CDH10: variants seen among roughly 807,000 people sequenced by gnomAD.
CDH10 encodes the protein cadherin-10.
CDH10 carries 30 observed loss-of-function variants against 73.1 expected under a neutral mutation model. The observed-to-expected ratio is 0.41, with a 90% CI of 0.31 to 0.56. CDH10 has a LOEUF of 0.56. Among genes scored for constraint, CDH10 ranks in the 20% least tolerant of loss-of-function variants. The pLI, the probability that CDH10 is intolerant of heterozygous loss-of-function variation, is 0.27. For missense variants in CDH10, 815 were observed against 973.7 expected, an observed-to-expected ratio of 0.84 and a Z score of 2.17; for synonymous variants, 345 against 348.2, an observed-to-expected ratio of 0.99 and a Z score of 0.10.
chr5:24,514,437 A>G (rs1743032283), intron 5 of CDH10, among the ~76,000 whole-genome samples: 1 of 152,124 alleles, frequency 6.6e-6, no homozygotes, highest in African/African-American at 2.4e-5. Flanking sequence ...CTTATGAAAG[A>G]TTTTCGACAC....
At chr5:24,492,131 T>A (rs1049757737) in intron 10 of CDH10, among the ~76,000 whole-genome samples, 1 of 152,330 alleles carries the variant, frequency 6.6e-6, no homozygotes, top group East Asian at 1.9e-4. Context: ...CTGGCTTTTC[T>A]CTTTTCAAAA....
chr5:24,587,298 G>A (rs1285039078), intron 2 of CDH10, among the ~76,000 whole-genome samples: 7 of 152,152 alleles, frequency 4.6e-5, no homozygotes, highest in Non-Finnish European at 7.4e-5. Flanking sequence ...TGCCAATTAT[G>A]AGACATTGAT....
intron 1 of CDH10, among the ~76,000 whole-genome samples, chr5:24,598,802 G>C (rs912971021): frequency 3.3e-5 from 5 of 152,096 alleles, no homozygotes; most frequent in Non-Finnish European, 7.4e-5. Flanking sequence ...TTTGAAATTA[G>C]TTTTATTCTC....
chr5:24,595,706 A>G (rs1036406219), intron 1 of CDH10, among the ~76,000 whole-genome samples: 4 of 151,936 alleles, frequency 2.6e-5, no homozygotes, highest in Admixed American at 1.3e-4. Flanking sequence ...TTCTTCTACA[A>G]AAGCTTTAAA....
intron 2 of CDH10, among the ~76,000 whole-genome samples, chr5:24,549,208 C>T (rs533959371): frequency 2.0e-5 from 3 of 152,144 alleles, no homozygotes; most frequent in Admixed American, 6.5e-5. Context: ...ACTGAATGCT[C>T]GTGAAGCACA....
intron 1 of CDH10, among the ~76,000 whole-genome samples, chr5:24,607,715 T>C (rs955318212): frequency 1.3e-5 from 2 of 152,194 alleles, no homozygotes; most frequent in African/African-American, 4.8e-5. Flanking sequence ...AATTAAATTA[T>C]GTATTACTCA....
rs149376312 is a variant in CDH10 at position 24,511,631 on chromosome 5, G to A, written c.815-117C>T. The A allele has an allele frequency of 4.0e-3, 2,389 of 600,694 alleles. 11 individuals are homozygous for A. The highest frequency in any genetic ancestry group is 6.5e-3 in the Admixed American group (213 of 32,638). The allele number at this position is 600,694 out of a possible 1,614,324, so 37.2% of individuals were successfully genotyped here. On this transcript the variant is annotated intron_variant, in intron 5 of 11. Transcript: ENST00000264463. ...TAGCCAAAAGCAAAACATGTAAGAC[G>A]CAATATAATAGATCTTAAACTCTAA...
Position 24,496,882 on chromosome 5 carries a change from T to G in CDH10, c.1515+1516A>C, listed in dbSNP as rs73743604. Among the ~76,000 whole-genome samples the G allele has an allele frequency of 4.5e-3, 681 of 152,328 alleles. 10 individuals carry two copies. Among genetic ancestry groups the G allele is most frequent in the African/African-American group, 0.015 (632 of 41,588 alleles). On this transcript the variant is annotated intron_variant, in intron 9 of 11. Transcript: ENST00000264463. ...CAGTTTAGTTTAACCGAGGCATTTT[T>G]CAGCCTATGAGACCGAAGTGACATC...
chr5:24,492,045 G>A (rs1742072306), intron 10 of CDH10, among the ~76,000 whole-genome samples: 1 of 152,100 alleles, frequency 6.6e-6, no homozygotes, highest in Non-Finnish European at 1.5e-5. Context: ...AGGTTTTCAT[G>A]TAATTCCTCA....
At chr5:24,541,841 T>C (rs1260132870) in intron 2 of CDH10, among the ~76,000 whole-genome samples, 1 of 152,038 alleles carries the variant, frequency 6.6e-6, no homozygotes, top group African/African-American at 2.4e-5. Context: ...CACAACCAGA[T>C]AAAGGACATG....
chr5:24,587,124 G>A (rs1317979311), intron 2 of CDH10, among the ~76,000 whole-genome samples: 2 of 152,050 alleles, frequency 1.3e-5, no homozygotes, highest in Non-Finnish European at 2.9e-5. Flanking sequence ...GATTACAGGC[G>A]TGAGCCACCG....
intron 1 of CDH10, among the ~76,000 whole-genome samples, 187 bp downstream of exon 1, chr5:24,644,407 G>A (rs1177050684): frequency 6.6e-6 from 1 of 152,118 alleles, no homozygotes; most frequent in East Asian, 1.9e-4. Context: ...ATTCGAAGCA[G>A]TTGTTTCTAG....
At chr5:24,633,459 G>A (rs1747769084) in intron 1 of CDH10, among the ~76,000 whole-genome samples, 1 of 151,856 alleles carries the variant, frequency 6.6e-6, no homozygotes, top group Non-Finnish European at 1.5e-5. Context: ...AATGACCAGA[G>A]TTTGCTGGTA....
chr5:24,550,697 T>C (rs939639998), intron 2 of CDH10, among the ~76,000 whole-genome samples: 3 of 152,054 alleles, frequency 2.0e-5, no homozygotes, highest in African/African-American at 7.2e-5. Context: ...ATCATTTCCA[T>C]CCTCCCCACA....
At chr5:24,558,354 A>G (rs1744839666) in intron 2 of CDH10, among the ~76,000 whole-genome samples, 1 of 151,776 alleles carries the variant, frequency 6.6e-6, no homozygotes, top group Non-Finnish European at 1.5e-5. Flanking sequence ...TGACATTCAC[A>G]ATTTCAAATA....
intron 2 of CDH10, among the ~76,000 whole-genome samples, chr5:24,548,748 G>A (rs995761759): frequency 5.9e-5 from 9 of 151,936 alleles, no homozygotes; most frequent in African/African-American, 2.2e-4. Flanking sequence ...AAACTTTCCA[G>A]TAAAAAATAC....
intron 5 of CDH10, among the ~76,000 whole-genome samples, chr5:24,516,848 G>A (rs1177280068): frequency 6.6e-6 from 1 of 151,126 alleles, no homozygotes; most frequent in Non-Finnish European, 1.5e-5. Flanking sequence ...GGTTGCTTCT[G>A]CTTGAGAAAG....
rs748897101 is a variant in CDH10, at chr5:24,535,299, A to T, written c.647-20T>A. 1.9e-6 allele frequency: 3 copies of T among 1,591,398 alleles called. No individual in the cohort carries two copies. The highest frequency in any genetic ancestry group is 2.6e-6 in the Non-Finnish European group (3 of 1,171,192). On this transcript the variant is annotated intron_variant, in intron 4 of 11. Coordinates refer to ENST00000264463, the MANE Select transcript of CDH10 (RefSeq NM_006727.5). ...TGATACCTTGAGAAAATATAAAAAA[A>T]CTTCCATTATCTTCACTGAAATCTC...
intron 1 of CDH10, among the ~76,000 whole-genome samples, chr5:24,597,026 A>G (rs1203213303): frequency 6.6e-6 from 1 of 152,054 alleles, no homozygotes; most frequent in East Asian, 1.9e-4. Context: ...AAAATTAATG[A>G]AATTCTATAA....
Sources: allele counts gnomAD v4.1 joint callset (sites outside exome capture counted in the v4.1 genomes callset), GRCh38; gene constraint gnomAD v4.1.1; transcripts MANE v1.5; gene names NCBI Gene and HGNC (gene_info 2026-07-23, HGNC 2026-07-21).